Variants in SEC16B observed in about 807,000 individuals in gnomAD.
SEC16B encodes the protein protein transport protein Sec16B.
SEC16B carries 115 observed loss-of-function variants against 141.8 expected under a neutral mutation model. The ratio of observed to expected loss-of-function variants is 0.81; its 90% CI spans 0.70 to 0.95. SEC16B has a LOEUF of 0.95. Ranked by LOEUF, SEC16B falls within the 40% of genes least tolerant of loss-of-function variation. SEC16B has a pLI of 0.00. For missense variants in SEC16B, 1,291 were observed against 1,312.3 expected (o/e 0.98, Z 0.25); for synonymous variants, 493 against 492.5 (o/e 1.00, Z -0.01).
Position 177,929,828 on chromosome 1 carries a change from G to A in SEC16B, c.*30C>T, listed in dbSNP as rs574075627. 1.2e-6 allele frequency: 2 copies of A among 1,610,544 alleles called. No individual in the cohort carries two copies. The highest frequency in any genetic ancestry group is 1.3e-5 in the African/African-American group (1 of 74,972). On this transcript the variant is annotated 3_prime_UTR_variant, in exon 26 of 26. Coordinates refer to ENST00000308284, the MANE Select transcript of SEC16B (RefSeq NM_033127.4). The stretch of plus-strand genomic sequence containing the variant: ...AAGAGAGCAAGAAAGTTTCAGTCCT[G>A]GGAGATGAGCCTGGGACGTGTGTTT...
chr1:177,975,763 C>T (rs17275780), intron 1 of SEC16B, among the ~76,000 whole-genome samples: 5,656 of 152,158 alleles, frequency 0.037, 150 homozygotes, highest in South Asian at 0.054. Flanking sequence ...CAGGGAGTGA[C>T]GGTTTAGTGC....
intron 10 of SEC16B, among the ~76,000 whole-genome samples, chr1:177,955,336 A>G (rs1433454678): frequency 6.6e-6 from 1 of 152,024 alleles, no homozygotes; most frequent in African/African-American, 2.4e-5. Flanking sequence ...ATCTACAAAA[A>G]AAATTTAAAT....
At chr1:177,948,316 C>A in intron 12 of SEC16B, 2 of 1,282,350 alleles carry the variant, frequency 1.6e-6, no homozygotes, top group Non-Finnish European at 2.0e-6. Context: ...GATCAAACAT[C>A]CTTGGCTTAT....
At position 177,933,549 on chromosome 1, in the gene SEC16B, C is replaced by A. The variant is rs769133118; in HGVS notation, c.2659G>T (p.Asp887Tyr). Residue 887 changes from aspartate (D) to tyrosine (Y), a missense_variant, in exon 21 of 26, where the codon GAT (aspartate) becomes TAT (tyrosine). By Grantham distance (160) the Asp-to-Tyr change is radical. This residue lies in a region of SEC16B where 605 missense variants were observed against 614.1 expected (regional missense o/e 0.99). Transcript: ENST00000308284. ...GCAGTATTTCGGGGAGAGTTTTTAT[C>A]AGCCTCATCAGAGGACTCCTTCTCA... ...EDEKESSDEA[D>Y]KNSPRNTAQR... 2.5e-6 allele frequency: 4 copies of A among 1,613,982 alleles called. No homozygotes were observed. The highest frequency in any genetic ancestry group is 2.5e-6 in the Non-Finnish European group (3 of 1,179,882).
rs71108020 is a variant in SEC16B at position 177,948,922 on chromosome 1, TACACAC to T, written c.1546-986_1546-981del. Among the ~76,000 whole-genome samples the T allele has an allele frequency of 5.2e-3, 780 of 149,360 alleles. 11 individuals are homozygous for T. The highest frequency in any genetic ancestry group is 0.017 in the African/African-American group (691 of 40,678). On this transcript the variant is annotated intron_variant, in intron 12 of 25. Coordinates refer to ENST00000308284, the MANE Select transcript of SEC16B (RefSeq NM_033127.4). ...TTAATCAATTACATGTAGGTATAAA[TACACAC>T]ACACACACACACACACACACACAGT...
At chr1:177,980,770 AGAAAG>A (rs144981435) in intron 1 of SEC16B, among the ~76,000 whole-genome samples, 15,197 of 118,052 alleles carry the variant, frequency 0.13, 1,332 homozygotes, top group African/African-American at 0.26. Context: ...AAAAAAAAAA[AGAAAG>A]AAAGAAAGAA....
chr1:177,937,494 G>T lies in SEC16B; in HGVS notation c.2223C>A (p.Asp741Glu), dbSNP rs1400095499. The part of the protein sequence containing the change: ...GTTTENTFYQ[D>E]FSGCQGYSEA... ...CAGAGTAGCCTTGACATCCAGAAAA[G>T]TCCTGGTAGAAAGTGTTTTCTAAGG... Residue 741 changes from aspartate (D) to glutamate (E), a missense_variant, in exon 19 of 26, where the codon GAC becomes GAA. Asp to Glu is a conservative substitution (Grantham distance 45). Transcript: ENST00000308284. 1.9e-6 allele frequency: 3 copies of T among 1,558,054 alleles called. No individual in the cohort carries two copies. In the South Asian group the frequency reaches 3.6e-5, roughly 19 times the overall value.
intron 10 of SEC16B, among the ~76,000 whole-genome samples, chr1:177,957,639 C>G (rs750815161): frequency 2.6e-5 from 4 of 152,210 alleles, no homozygotes; most frequent in African/African-American, 7.2e-5. Context: ...TCCCCTCAAG[C>G]CTTTATCCTT....
At chr1:177,946,554 C>G in intron 13 of SEC16B, 23 bp from the exon 14 acceptor site, 2 of 1,539,686 alleles carry the variant, frequency 1.3e-6, no homozygotes, top group Non-Finnish European at 1.8e-6. Flanking sequence ...GAGAACAAGA[C>G]CCAATCACGG....
chr1:177,930,966 A>G (rs1005410852), intron 24 of SEC16B, among the ~76,000 whole-genome samples: 1 of 152,176 alleles, frequency 6.6e-6, no homozygotes, highest in African/African-American at 2.4e-5. Flanking sequence ...ACACTTATAC[A>G]CCGCTGGTGG....
chr1:177,978,054 T>G (rs1302397685), intron 1 of SEC16B, among the ~76,000 whole-genome samples: 1 of 152,224 alleles, frequency 6.6e-6, no homozygotes, highest in African/African-American at 2.4e-5. Context: ...TGTGAGAAGC[T>G]AAACTATATA....
At chr1:177,965,020 C>G (rs1390004449) in intron 4 of SEC16B, 27 bp downstream of exon 4, 4 of 1,611,000 alleles carry the variant, frequency 2.5e-6, no homozygotes, top group African/African-American at 1.3e-5. Context: ...AACATCATGT[C>G]AAACTGGCCT....
intron 18 of SEC16B, 142 bp downstream of exon 18, chr1:177,939,560 G>A (rs1225590484): frequency 1.3e-5 from 9 of 687,132 alleles, no homozygotes; most frequent in South Asian, 3.4e-5. Flanking sequence ...TGGAGAAGGC[G>A]CCTGGACAAC....
rs771842504 is a variant in SEC16B, at chr1:177,967,727, T to C, written c.255A>G (p.Gly85=). The part of the protein sequence containing the change: ...RPGDWHQPVS[G]VDYYEGGYRN... ...GATAACCACCTTCGTAATAGTCAACTCCAGACACAGGCTGATGCCAGTCCC... is the reference window on the plus strand; with the variant it reads ...GATAACCACCTTCGTAATAGTCAACCCCAGACACAGGCTGATGCCAGTCCC... The change falls in exon 2 of 26, where the codon GGA becomes GGG. Residue 85 remains glycine, a synonymous_variant. Transcript: ENST00000308284. 15 of 1,612,776 alleles carry C rather than the reference T, an allele frequency of 9.3e-6. No individual in the cohort carries two copies. In the East Asian group the frequency reaches 3.3e-4, roughly 36 times the overall value.
chr1:177,944,816 A>C, intron 14 of SEC16B, 150 bp from the exon 15 acceptor site: 2 of 579,242 alleles, frequency 3.5e-6, no homozygotes, highest in South Asian at 2.4e-5. Context: ...GAAGAAGGAG[A>C]CTCTGGGCTC....
At chr1:177,943,260 G>T (rs1344829295) in intron 15 of SEC16B, among the ~76,000 whole-genome samples, 2 of 152,174 alleles carry the variant, frequency 1.3e-5, no homozygotes, top group Non-Finnish European at 2.9e-5. Context: ...TGCTGGAAAA[G>T]GTGAGTCTTT....
rs12040910 is a variant in SEC16B at position 177,960,852 on chromosome 1, T to C, written c.875A>G (p.His292Arg). ...GTCAGTGGGAGAGCTGGGACCTACATGCACCAGCTGACCTCCTGGCCCGAA... is the reference window on the plus strand; with the variant it reads ...GTCAGTGGGAGAGCTGGGACCTACACGCACCAGCTGACCTCCTGGCCCGAA... Reference protein sequence around the residue: ...VSFGPGGQLVHVGPSSPTDGQ... With the variant: ...VSFGPGGQLVRVGPSSPTDGQ... The change falls in exon 7 of 26, where the codon CAT becomes CGT. Residue 292 changes from histidine (H) to arginine (R), a missense_variant. This residue lies in a region of SEC16B where 681 missense variants were observed against 675.5 expected (regional missense o/e 1.01). Transcript: ENST00000308284. 1,245,492 of 1,613,024 alleles carry C rather than the reference T, an allele frequency of 0.77. 481,901 individuals carry two copies. The highest frequency in any genetic ancestry group is 0.87 in the African/African-American group (65,075 of 74,920).
intron 12 of SEC16B, among the ~76,000 whole-genome samples, chr1:177,951,331 C>T (rs377192347): frequency 1.3e-5 from 2 of 152,106 alleles, no homozygotes; most frequent in East Asian, 1.9e-4. Flanking sequence ...AGTGACTGGA[C>T]GTCAAAGGTA....
intron 20 of SEC16B, among the ~76,000 whole-genome samples, chr1:177,934,779 A>T (rs185822920): frequency 3.2e-4 from 48 of 152,264 alleles, no homozygotes; most frequent in Admixed American, 8.5e-4. Flanking sequence ...ATATACTAGG[A>T]TGACCAGCAC....
Sources: gnomAD v4.1 joint callset for allele counts (sites outside exome capture counted in the v4.1 genomes callset) on GRCh38, gnomAD v4.1.1 for gene constraint, gnomAD v4.1.1 regional missense constraint, MANE v1.5 for transcripts, NCBI Gene and HGNC (gene_info 2026-07-23, HGNC 2026-07-21) for gene names.